The following LARGE1 variants were observed in gnomAD, a reference collection of about 807,000 sequenced individuals.
LARGE1 encodes the protein xylosyl- and glucuronyltransferase LARGE1.
Under a neutral mutation model 87.6 loss-of-function variants are expected in LARGE1, and 43 were observed. The ratio of observed to expected loss-of-function variants is 0.49; its 90% confidence interval spans 0.38 to 0.63. The LOEUF is 0.63. Ranked by LOEUF, LARGE1 falls within the 30% of genes least tolerant of loss-of-function variation. The pLI, the probability that LARGE1 is intolerant of heterozygous loss-of-function variation, is 0.00. For missense variants in LARGE1, 802 were observed against 1,000.2 expected, an observed-to-expected ratio of 0.80 and a Z score of 2.67; for synonymous variants, 434 against 394.6, an observed-to-expected ratio of 1.10 and a Z score of -1.18.
intron 2 of LARGE1, among the ~76,000 whole-genome samples, chr22:33,667,266 G>A (rs1245998872): frequency 1.3e-5 from 2 of 152,172 alleles, no homozygotes; most frequent in Admixed American, 6.5e-5. Flanking sequence ...TTGCACCTGT[G>A]GACTAAGAAG....
rs115586488 is a variant in LARGE1 at position 33,851,881 on chromosome 22, G to A, written c.-83+68114C>T. Among the ~76,000 whole-genome samples, 1,498 of 152,304 alleles carry A rather than the reference G, an allele frequency of 9.8e-3. 21 individuals are homozygous for A. Among genetic ancestry groups the A allele is most frequent in the African/African-American group, 0.034 (1,433 of 41,560 alleles). On this transcript the variant is annotated intron_variant, in intron 1 of 14. Coordinates refer to ENST00000397394, the MANE Select transcript of LARGE1 (RefSeq NM_133642.5). ...AGCCATAATCGGTAAAGAAACATTC[G>A]TGTGAGCTGAGACTGGGGAATGTTT...
intron 1 of LARGE1, among the ~76,000 whole-genome samples, chr22:33,810,777 G>A (rs957019017): frequency 6.6e-6 from 1 of 150,956 alleles, no homozygotes; most frequent in Non-Finnish European, 1.5e-5. Context: ...AGGCTGGACT[G>A]CAATGGTGCG....
intron 5 of LARGE1, among the ~76,000 whole-genome samples, chr22:33,579,532 G>A (rs2078452253): frequency 6.6e-6 from 1 of 152,170 alleles, no homozygotes; most frequent in African/African-American, 2.4e-5. Flanking sequence ...GAGCCAAGTG[G>A]AGCCTGGATG....
intron 7 of LARGE1, among the ~76,000 whole-genome samples, chr22:33,415,594 T>C (rs1474071242): frequency 6.6e-6 from 1 of 152,128 alleles, no homozygotes; most frequent in Non-Finnish European, 1.5e-5. Context: ...GCTGCTCAGT[T>C]TAATTAGAGC....
chr22:33,334,418 A>C lies in LARGE1; in HGVS notation c.1287+3228T>G, dbSNP rs755177034. ...GAGCAAGACTCTGTCTCAAAAAAAA[A>C]AAAACAAAAAAAAAAAACACCAAAC... On this transcript the variant is annotated intron_variant, in intron 10 of 14. Transcript: ENST00000397394. 6.5e-5 allele frequency among the ~76,000 whole-genome samples: 5 copies of C among 77,412 alleles called. 1 individual carries two copies. Among genetic ancestry groups the C allele is most frequent in the Admixed American group, 2.7e-4 (2 of 7,376 alleles). The allele number at this position is 77,412 out of a possible 152,430, so 50.8% of individuals were successfully genotyped here.
At chr22:33,407,091 C>T (rs897509146) in intron 7 of LARGE1, among the ~76,000 whole-genome samples, 2 of 152,182 alleles carry the variant, frequency 1.3e-5, no homozygotes, top group African/African-American at 4.8e-5. Flanking sequence ...CCACGCCTGG[C>T]TGAAAATGCA....
chr22:33,519,736 G>GA (rs998868568), intron 6 of LARGE1, among the ~76,000 whole-genome samples: 10 of 151,658 alleles, frequency 6.6e-5, no homozygotes, highest in African/African-American at 2.2e-4. Context: ...GAAAAACAAG[G>GA]AAAAAAAAGA....
At chr22:33,916,791 A>G (rs77348428) in intron 1 of LARGE1, among the ~76,000 whole-genome samples, 2 of 152,296 alleles carry the variant, frequency 1.3e-5, no homozygotes, top group Non-Finnish European at 2.9e-5. Context: ...CATCAAATTC[A>G]TAAGACTTCA....
At chr22:33,716,833 T>C (rs1603230018) in intron 2 of LARGE1, among the ~76,000 whole-genome samples, 2 of 152,176 alleles carry the variant, frequency 1.3e-5, no homozygotes, top group Non-Finnish European at 2.9e-5. Flanking sequence ...GGCTCATAGT[T>C]GAAGACCCTG....
chr22:33,680,469 G>A (rs1232990012), intron 2 of LARGE1, among the ~76,000 whole-genome samples: 1 of 149,644 alleles, frequency 6.7e-6, no homozygotes, highest in Non-Finnish European at 1.5e-5. Flanking sequence ...ATGGGGTGGG[G>A]GGCAGAAGAG....
chr22:33,715,314 T>C (rs2082876730), intron 2 of LARGE1, among the ~76,000 whole-genome samples: 2 of 152,152 alleles, frequency 1.3e-5, no homozygotes, highest in South Asian at 2.1e-4. Flanking sequence ...GGGTGGTCTT[T>C]TTCCAAGCTC....
At chr22:33,484,621 C>T (rs146081911) in intron 6 of LARGE1, among the ~76,000 whole-genome samples, 130 of 152,282 alleles carry the variant, frequency 8.5e-4, no homozygotes, top group Admixed American at 1.3e-3. Context: ...CAGGAGAGCG[C>T]TGGGTTCTAC....
At chr22:33,855,900 C>A (rs1284247619) in intron 1 of LARGE1, among the ~76,000 whole-genome samples, 1 of 152,108 alleles carries the variant, frequency 6.6e-6, no homozygotes, top group Non-Finnish European at 1.5e-5. Context: ...TCACATGCCC[C>A]CTTTTTATTA....
chr22:33,629,743 G>A (rs1035005601), intron 3 of LARGE1, among the ~76,000 whole-genome samples: 2 of 152,212 alleles, frequency 1.3e-5, no homozygotes, highest in South Asian at 4.1e-4. Context: ...GTTTCTTGGT[G>A]TGGTAGATTA....
chr22:33,214,299 T>C (rs1925100728), intron 11 of LARGE1, among the ~76,000 whole-genome samples: 1 of 151,738 alleles, frequency 6.6e-6, no homozygotes, highest in African/African-American at 2.4e-5. Context: ...TGTGTATCTG[T>C]GTCCTCGTCT....
intron 1 of LARGE1, among the ~76,000 whole-genome samples, chr22:33,836,078 T>C (rs2063100876): frequency 6.6e-6 from 1 of 152,154 alleles, no homozygotes; most frequent in Non-Finnish European, 1.5e-5. Context: ...TTCAAGAGAC[T>C]GTCAAAGGGA....
intron 6 of LARGE1, among the ~76,000 whole-genome samples, chr22:33,532,114 A>G (rs2072236850): frequency 1.3e-5 from 2 of 152,260 alleles, no homozygotes. Flanking sequence ...ATGGATGAAT[A>G]GAACAGGGAT....
rs146163681 is a variant in LARGE1, at chr22:33,580,188, C to T, written c.616-15169G>A. The stretch of plus-strand genomic sequence containing the variant: ...GAGTTTGAGACCACCCTGACCAACA[C>T]GGAGAAATCCCATCTCTACTACAAA... On this transcript the variant is annotated intron_variant, in intron 5 of 14. Coordinates refer to ENST00000397394, the MANE Select transcript of LARGE1 (RefSeq NM_133642.5). Among the ~76,000 whole-genome samples the T allele has an allele frequency of 2.9e-3, 447 of 152,020 alleles. 3 individuals are homozygous for T. The highest frequency in any genetic ancestry group is 0.01 in the African/African-American group (430 of 41,464).
chr22:33,700,188 G>T (rs1603198838), intron 2 of LARGE1, among the ~76,000 whole-genome samples: 1 of 152,298 alleles, frequency 6.6e-6, no homozygotes, highest in East Asian at 1.9e-4. Context: ...ACAGTAGTTA[G>T]AAATGCACAT....
Sources: gnomAD v4.1 joint callset for allele counts (sites outside exome capture counted in the v4.1 genomes callset) on GRCh38, gnomAD v4.1.1 for gene constraint, MANE v1.5 for transcripts, NCBI Gene and HGNC (gene_info 2026-07-23, HGNC 2026-07-21) for gene names.